The following ITFG2 variants were observed in gnomAD, a reference collection of about 807,000 sequenced individuals.
ITFG2 encodes the protein KICSTOR complex protein ITFG2.
Under a neutral mutation model 54.4 loss-of-function variants are expected in ITFG2, and 36 were observed. That is an observed-to-expected ratio of 0.66 (90% CI 0.51 to 0.87). The LOEUF (loss-of-function observed/expected upper bound fraction) is 0.87, where lower values mean the gene tolerates loss of function less well. Among genes scored for constraint, ITFG2 ranks in the 40% least tolerant of loss-of-function variants. The pLI is 0.00. For synonymous variants in ITFG2, 211 were observed against 225.4 expected (o/e 0.94, Z 0.57); for missense variants, 524 against 576.7 (o/e 0.91, Z 0.94).
intron 2 of ITFG2, among the ~76,000 whole-genome samples, chr12:2,853,946 G>T (rs1430264974): frequency 1.3e-5 from 2 of 152,160 alleles, no homozygotes; most frequent in African/African-American, 4.8e-5. Flanking sequence ...TCCCCATGAG[G>T]CCTTCCTGTG....
intron 10 of ITFG2, among the ~76,000 whole-genome samples, chr12:2,823,238 ATCTG>A (rs1371672546): frequency 1.3e-5 from 2 of 152,242 alleles, no homozygotes; most frequent in African/African-American, 2.4e-5. Context: ...AGTTTCTGTC[ATCTG>A]TCTGGGATGT....
intron 1 of ITFG2, 61 bp downstream of exon 1, chr12:2,812,917 TG>T: frequency 2.8e-6 from 4 of 1,407,704 alleles, no homozygotes; most frequent in African/African-American, 2.8e-5. Flanking sequence ...GCAAGGGAAG[TG>T]GAAGAGGCCG....
rs759880178 is a variant in ITFG2 at position 2,849,208 on chromosome 12, G to A, written n.300+8213G>A. On this transcript the variant is annotated intron_variant and non_coding_transcript_variant, in intron 2 of 3. Coordinates refer to the ITFG2 transcript ENST00000537710. ...TGGAGCCTGGGGCTCTGGGTATCAC[G>A]ATCGTCCCCTCTGGAAGCCCTTCTA... is the stretch of plus-strand genomic sequence containing the variant. 3.0e-5 allele frequency: 45 copies of A among 1,524,334 alleles called. No individual in the cohort carries two copies. In the African/African-American group the frequency reaches 3.4e-4, roughly 12 times the overall value. The allele number at this position is 1,524,334 out of a possible 1,614,324, so 94.4% of individuals were successfully genotyped here.
chr12:2,843,703 C>G (rs1285428441), intron 2 of ITFG2, among the ~76,000 whole-genome samples: 7 of 152,274 alleles, frequency 4.6e-5, no homozygotes, highest in Admixed American at 4.6e-4. Context: ...GTCCCAGCTA[C>G]TCAGGAAGCT....
At chr12:2,832,975 T>C (rs1159865184), upstream of ITFG2, among the ~76,000 whole-genome samples, 4 of 151,818 alleles carry the variant, frequency 2.6e-5, no homozygotes, top group African/African-American at 7.3e-5. Context: ...GCACTTCCCA[T>C]CTTCCACCTT....
intron 2 of ITFG2, chr12:2,857,823 T>A (rs2098093122): frequency 6.6e-6 from 1 of 152,362 alleles, no homozygotes; most frequent in Admixed American, 6.5e-5. Flanking sequence ...CTTTCGGCCT[T>A]CTCAAGCCTC....
At chr12:2,841,295 C>T (rs1002256894) in intron 2 of ITFG2, among the ~76,000 whole-genome samples, 3 of 152,226 alleles carry the variant, frequency 2.0e-5, no homozygotes, top group Non-Finnish European at 4.4e-5. Flanking sequence ...GTTCCCTCTG[C>T]AGAACGGAGA....
At chr12:2,826,161 G>C (rs1049640896), downstream of ITFG2, 1 of 150,024 alleles carries the variant, frequency 6.7e-6, no homozygotes. Context: ...TCTCTTCACA[G>C]TGAATTCAAA....
At chr12:2,817,408 C>A in intron 2 of ITFG2, 90 bp downstream of exon 2, 1 of 866,768 alleles carries the variant, frequency 1.2e-6, no homozygotes, top group Non-Finnish European at 1.8e-6. Context: ...GGTGCTCACC[C>A]ATGTGTCCTG....
intron 2 of ITFG2, chr12:2,856,985 G>A: frequency 1.4e-6 from 1 of 703,050 alleles, no homozygotes; most frequent in South Asian, 1.5e-5. Flanking sequence ...TATGAGATGG[G>A]TGACTGGGCC....
chr12:2,825,368 C>T (rs1241773044), downstream of ITFG2: 4 of 152,304 alleles, frequency 2.6e-5, no homozygotes, highest in Non-Finnish European at 5.9e-5. Flanking sequence ...AGAGTTTATT[C>T]CAATGGAGAA....
chr12:2,826,797 T>TAGATCTC, downstream of ITFG2: 2 of 237,176 alleles, frequency 8.4e-6, no homozygotes, highest in South Asian at 5.2e-5. Flanking sequence ...CCAGAAGGTG[T>TAGATCTC]GGTGAGAGAC....
downstream of ITFG2, chr12:2,828,049 T>C (rs1449253472): frequency 6.2e-7 from 1 of 1,611,724 alleles, no homozygotes; most frequent in Admixed American, 1.7e-5. Flanking sequence ...TTCTCTAACC[T>C]GTGGTTGGGA....
At chr12:2,858,803 AACCT>A in intron 3 of ITFG2, 2 of 1,614,196 alleles carry the variant, frequency 1.2e-6, no homozygotes, top group Non-Finnish European at 1.7e-6. Flanking sequence ...CAAGGCCAGA[AACCT>A]GTGGCTCCGG....
At chr12:2,846,876 A>G (rs1363686229) in intron 2 of ITFG2, among the ~76,000 whole-genome samples, 1 of 152,136 alleles carries the variant, frequency 6.6e-6, no homozygotes, top group African/African-American at 2.4e-5. Flanking sequence ...AGTTCGATGT[A>G]TTACATTATT....
downstream of ITFG2, chr12:2,827,700 G>C: frequency 6.2e-7 from 1 of 1,613,814 alleles, no homozygotes; most frequent in South Asian, 1.1e-5. This position sits in a 1 kb window ranked among gnomAD's most constrained non-coding sequence, Gnocchi z 4.0. Flanking sequence ...TTTGAAAACA[G>C]AAGAGGCTGA....
At chr12:2,831,235 T>C (rs1319558363), downstream of ITFG2, among the ~76,000 whole-genome samples, 1 of 151,534 alleles carries the variant, frequency 6.6e-6, no homozygotes, top group Non-Finnish European at 1.5e-5. Context: ...TCTGACCTCA[T>C]CCTTCAATGG....
intron 2 of ITFG2, 165 bp from the exon 3 acceptor site, chr12:2,817,744 C>T: frequency 1.6e-6 from 1 of 633,546 alleles, no homozygotes; most frequent in Middle Eastern, 4.3e-4. Flanking sequence ...ACCAAACCTA[C>T]AGCACAGTAA....
At chr12:2,833,048 C>G (rs1005182431), upstream of ITFG2, among the ~76,000 whole-genome samples, 5 of 151,972 alleles carry the variant, frequency 3.3e-5, no homozygotes, top group African/African-American at 4.8e-5. Context: ...TCAGCCATCC[C>G]AGGGAGGGAG....
Sources: gnomAD v4.1 joint callset for allele counts (sites outside exome capture counted in the v4.1 genomes callset) on GRCh38, gnomAD v4.1.1 for gene constraint, Gnocchi (gnomAD v3.1) non-coding constraint, MANE v1.5 for transcripts, NCBI Gene and HGNC (gene_info 2026-07-23, HGNC 2026-07-21) for gene names.